The following EHMT1 variants were observed in gnomAD, a reference collection of about 807,000 sequenced individuals.
EHMT1 encodes the protein histone-lysine N-methyltransferase EHMT1.
In EHMT1, 15 loss-of-function variants were observed where a neutral mutation model predicts 147.2. The ratio of observed to expected loss-of-function variants is 0.10; its 90% CI spans 0.07 to 0.16. The LOEUF (loss-of-function observed/expected upper bound fraction) is 0.16, where lower values mean the gene tolerates loss of function less well. Among genes scored for constraint, EHMT1 ranks in the 10% least tolerant of loss-of-function variants. EHMT1 has a pLI of 1.00. For synonymous variants in EHMT1, 795 were observed against 709.6 expected (o/e 1.12, Z -1.91); for missense variants, 1,587 against 1,772.4 (o/e 0.90, Z 1.88).
chr9:137,725,966 C>T (rs1330171615), intron 3 of EHMT1, among the ~76,000 whole-genome samples: 1 of 152,170 alleles, frequency 6.6e-6, no homozygotes, highest in Non-Finnish European at 1.5e-5. Context: ...TCCTGAATCC[C>T]TCAGAGCTGT....
chr9:137,759,240 A>C (rs987135535), intron 9 of EHMT1, among the ~76,000 whole-genome samples: 1 of 151,934 alleles, frequency 6.6e-6, no homozygotes, highest in African/African-American at 2.4e-5. Flanking sequence ...ATGGAGCAGA[A>C]CCCCCTCAAG....
At chr9:137,779,082 C>T (rs886693986) in intron 13 of EHMT1, among the ~76,000 whole-genome samples, 1 of 152,216 alleles carries the variant, frequency 6.6e-6, no homozygotes, top group Non-Finnish European at 1.5e-5. Flanking sequence ...GTCTCACCTC[C>T]AACACTGGAG....
Position 137,813,577 on chromosome 9 carries a change from A to T in EHMT1, c.3180+47A>T. 6.2e-7 allele frequency: 1 copy of T among 1,611,012 alleles called. No homozygotes were observed. Among genetic ancestry groups the T allele is most frequent in the Admixed American group, 1.7e-5 (1 of 59,848 alleles). The stretch of plus-strand genomic sequence containing the variant: ...GCTGACTCAGGCCAGGACATGGGAC[A>T]GGCAGAAGCTTCTTGAGCCTGGGGT... On this transcript the variant is annotated intron_variant, in intron 21 of 26. Coordinates refer to ENST00000460843, the MANE Select transcript of EHMT1 (RefSeq NM_024757.5). This position sits in a 1 kb window ranked among gnomAD's most constrained non-coding sequence, Gnocchi z 4.9.
chr9:137,692,757 C>T (rs1943053413), intron 1 of EHMT1, among the ~76,000 whole-genome samples: 1 of 152,140 alleles, frequency 6.6e-6, no homozygotes, highest in Non-Finnish European at 1.5e-5. Context: ...TGCTCAGGCG[C>T]CTGCTCCAGC....
intron 1 of EHMT1, among the ~76,000 whole-genome samples, chr9:137,683,531 C>T: frequency 6.6e-6 from 1 of 152,228 alleles, no homozygotes; most frequent in Admixed American, 6.5e-5. Context: ...CAGCCTCAAC[C>T]TCCTGGGCTC....
intron 25 of EHMT1, among the ~76,000 whole-genome samples, chr9:137,827,478 G>A (rs923059877): frequency 2.6e-5 from 4 of 152,146 alleles, no homozygotes; most frequent in Non-Finnish European, 5.9e-5. Context: ...CCACCTGAGC[G>A]CCAAAATCTC....
intron 1 of EHMT1, among the ~76,000 whole-genome samples, chr9:137,709,802 A>T (rs1244650189): frequency 3.3e-5 from 5 of 152,076 alleles, no homozygotes; most frequent in Non-Finnish European, 7.4e-5. Flanking sequence ...TCGGAGCACC[A>T]AGTGTGCCTC....
chr9:137,684,093 G>A (rs879812759), intron 1 of EHMT1, among the ~76,000 whole-genome samples: 2 of 152,100 alleles, frequency 1.3e-5, no homozygotes, highest in African/African-American at 4.8e-5. Flanking sequence ...GGAGTGCAGT[G>A]GTTGCAGTCA....
At chr9:137,706,971 T>TGC (rs1944321601) in intron 1 of EHMT1, among the ~76,000 whole-genome samples, 1 of 150,966 alleles carries the variant, frequency 6.6e-6, no homozygotes, top group Non-Finnish European at 1.5e-5. Context: ...ATTACAGGCA[T>TGC]GTGCCACCAC....
intron 1 of EHMT1, among the ~76,000 whole-genome samples, chr9:137,710,021 C>T (rs754024340): frequency 6.6e-6 from 1 of 152,142 alleles, no homozygotes; most frequent in Non-Finnish European, 1.5e-5. Context: ...GGGGCATTTG[C>T]AGACTCCCTG....
rs200398481 is a variant in EHMT1, at chr9:137,813,507, G to A, written c.3157G>A (p.Asp1053Asn). The A allele has an allele frequency of 2.5e-6, 4 of 1,613,820 alleles. No homozygotes were observed. The highest frequency in any genetic ancestry group is 2.2e-5 in the East Asian group (1 of 44,894). Residue 1053 changes from aspartate (D) to asparagine (N), a missense_variant, in exon 21 of 27, where the codon GAC becomes AAC. By Grantham distance (23) the Asp-to-Asn change is conservative. Transcript: ENST00000460843. This position sits in a 1 kb window ranked among gnomAD's most constrained non-coding sequence, Gnocchi z 4.9. ...QNCVTSPMNI[D>N]RNITHLQYCV... ...CTGCGTGACGTCCCCCATGAACATCGACAGAAATATCACTCATCTGCAGGT... is the reference window on the plus strand; with the variant it reads ...CTGCGTGACGTCCCCCATGAACATCAACAGAAATATCACTCATCTGCAGGT...
chr9:137,747,028 A>G (rs1162527894), intron 6 of EHMT1: 2 of 152,278 alleles, frequency 1.3e-5, no homozygotes, highest in African/African-American at 4.8e-5. Flanking sequence ...ATGGGCACTG[A>G]CAATCAACAG....
Position 137,787,625 on chromosome 9 carries a change from G to A in EHMT1, c.2383-3223G>A. 1 of 527,922 alleles carries A rather than the reference G, an allele frequency of 1.9e-6. No homozygotes were observed. The highest frequency in any genetic ancestry group is 3.4e-6 in the Non-Finnish European group (1 of 292,662). The allele number at this position is 527,922 out of a possible 1,614,324, so 32.7% of individuals were successfully genotyped here. A position where few individuals can be genotyped will look rare whatever the true frequency, so the allele number is the denominator to read the frequency against. On this transcript the variant is annotated intron_variant, in intron 15 of 26. Coordinates refer to ENST00000460843, the MANE Select transcript of EHMT1 (RefSeq NM_024757.5). This position sits in a 1 kb window ranked among gnomAD's most constrained non-coding sequence, Gnocchi z 4.2. ...CCTTGGCTCCCTGGCAACAAGCTGGGGGTGGAAGCGGGAGGGAGGAGGGGC... is the reference window on the plus strand; with the variant it reads ...CCTTGGCTCCCTGGCAACAAGCTGGAGGTGGAAGCGGGAGGGAGGAGGGGC...
intron 4 of EHMT1, 32 bp downstream of exon 4, chr9:137,728,561 TTGAA>T (rs1946827137): frequency 1.9e-6 from 3 of 1,613,726 alleles, no homozygotes; most frequent in African/African-American, 1.3e-5. Flanking sequence ...TCTCTGCTCT[TTGAA>T]TGTATGTTTC....
chr9:137,753,321 G>T (rs1350286557), intron 7 of EHMT1, among the ~76,000 whole-genome samples: 1 of 152,216 alleles, frequency 6.6e-6, no homozygotes, highest in Admixed American at 6.5e-5. Context: ...GGCGATGAAG[G>T]GGTCTGTCTT....
intron 8 of EHMT1, among the ~76,000 whole-genome samples, 182 bp downstream of exon 8, chr9:137,754,473 GC>G (rs1396081257): frequency 6.6e-6 from 1 of 152,078 alleles, no homozygotes; most frequent in Admixed American, 6.6e-5. Context: ...TTTCCTTCTG[GC>G]CAATGTAGTG....
intron 1 of EHMT1, chr9:137,675,241 T>C (rs1488279710): frequency 1.3e-5 from 2 of 152,158 alleles, no homozygotes; most frequent in Non-Finnish European, 2.9e-5. Context: ...AAGATAATTT[T>C]AACTGCAGAA....
At chr9:137,674,035 G>C (rs1940971495) in intron 1 of EHMT1, among the ~76,000 whole-genome samples, 1 of 152,204 alleles carries the variant, frequency 6.6e-6, no homozygotes, top group Non-Finnish European at 1.5e-5. Context: ...ACCAGCTAAA[G>C]CTGCTTTTTT....
At chr9:137,806,190 A>G (rs1019814976) in intron 18 of EHMT1, among the ~76,000 whole-genome samples, 4 of 150,030 alleles carry the variant, frequency 2.7e-5, no homozygotes, top group Non-Finnish European at 5.9e-5. Context: ...CAAACTCCCA[A>G]CCTCAGGTGA....
Sources: allele counts gnomAD v4.1 joint callset (sites outside exome capture counted in the v4.1 genomes callset), GRCh38; gene constraint gnomAD v4.1.1; non-coding constraint Gnocchi (gnomAD v3.1); transcripts MANE v1.5; gene names NCBI Gene and HGNC (gene_info 2026-07-23, HGNC 2026-07-21).